SIPA1L3: variants seen among roughly 807,000 people sequenced by gnomAD.
The protein encoded by SIPA1L3 is signal-induced proliferation-associated 1-like protein 3.
A neutral mutation model predicts 150.1 loss-of-function variants in SIPA1L3; 59 were observed. That is an observed-to-expected ratio of 0.39 (90% CI 0.32 to 0.49). The LOEUF (loss-of-function observed/expected upper bound fraction) is 0.49. Among genes scored for constraint, SIPA1L3 ranks in the 20% least tolerant of loss-of-function variants. The pLI, the probability that SIPA1L3 is intolerant of heterozygous loss-of-function variation, is 0.86. For missense variants in SIPA1L3, 2,211 were observed against 2,489.5 expected (o/e 0.89, Z 2.38); for synonymous variants, 1,070 against 1,077.6 (o/e 0.99, Z 0.14).
intron 10 of SIPA1L3, among the ~76,000 whole-genome samples, chr19:38,134,108 C>T (rs537821980): frequency 3.9e-5 from 6 of 151,932 alleles, no homozygotes; most frequent in African/African-American, 9.7e-5. Flanking sequence ...CTCATCCTCC[C>T]GAGTAGCTGG....
chr19:38,142,798 C>T, intron 12 of SIPA1L3, 88 bp downstream of exon 12: 1 of 1,468,350 alleles, frequency 6.8e-7, no homozygotes, highest in Non-Finnish European at 9.3e-7. Flanking sequence ...CCCCACAATT[C>T]TAGTTGCCAT....
chr19:38,104,552 G>T (rs762286920), intron 6 of SIPA1L3, among the ~76,000 whole-genome samples: 9 of 152,126 alleles, frequency 5.9e-5, no homozygotes, highest in East Asian at 5.8e-4. Context: ...GCTGGCAGGT[G>T]TGAGTGTTAG....
At chr19:38,146,124 A>C (rs370585103) in intron 12 of SIPA1L3, among the ~76,000 whole-genome samples, 1 of 152,194 alleles carries the variant, frequency 6.6e-6, no homozygotes, top group Admixed American at 6.5e-5. Flanking sequence ...TGGACATCCC[A>C]AAGTGCTAGG....
At chr19:38,162,675 G>A (rs2145981110) in intron 14 of SIPA1L3, among the ~76,000 whole-genome samples, 1 of 152,350 alleles carries the variant, frequency 6.6e-6, no homozygotes, top group Admixed American at 6.5e-5. Flanking sequence ...CAGTGGAAGT[G>A]GATTTCCCTC....
intron 2 of SIPA1L3, among the ~76,000 whole-genome samples, chr19:38,045,426 G>A (rs549939057): frequency 3.3e-5 from 5 of 151,640 alleles, no homozygotes; most frequent in Admixed American, 6.6e-5. Context: ...TAATTTAACT[G>A]TGGCAATGAA....
chr19:37,939,068 TC>T (rs1409303049), intron 1 of SIPA1L3, among the ~76,000 whole-genome samples: 1 of 152,044 alleles, frequency 6.6e-6, no homozygotes, highest in Non-Finnish European at 1.5e-5. Flanking sequence ...CCTGCTATTC[TC>T]CCCCCAATTC....
rs749102456 is a variant in SIPA1L3, at chr19:38,081,667, C to T, written c.102C>T (p.Tyr34=). 22 of 1,612,232 alleles carry T rather than the reference C, an allele frequency of 1.4e-5. No homozygotes were observed. The highest frequency in any genetic ancestry group is 3.3e-5 in the Admixed American group (2 of 59,988). Reference sequence around the variant, plus strand: ...TCCCTGGGCCACACACAGGGGACTACGCTCCCTTGGGATTCTGGGCCCAGA... The same window carrying T: ...TCCCTGGGCCACACACAGGGGACTATGCTCCCTTGGGATTCTGGGCCCAGA... ...DVLPGPHTGD[Y]APLGFWAQNG... The change falls in exon 3 of 22, where the codon TAC becomes TAT. Residue 34 remains tyrosine, a synonymous_variant. Transcript: ENST00000222345.
At chr19:38,138,971 A>G (rs533913907) in intron 10 of SIPA1L3, among the ~76,000 whole-genome samples, 143 of 149,200 alleles carry the variant, frequency 9.6e-4, no homozygotes, top group African/African-American at 2.9e-3. Context: ...CGAGGAGGAC[A>G]GATTACTTGA....
chr19:38,124,939 C>T (rs1319125845), intron 9 of SIPA1L3, among the ~76,000 whole-genome samples: 3 of 143,886 alleles, frequency 2.1e-5, no homozygotes, highest in South Asian at 2.2e-4. Context: ...TGCAGTGAGC[C>T]GAGATGGCAG....
At chr19:37,917,038 A>G (rs778480991) in intron 1 of SIPA1L3, among the ~76,000 whole-genome samples, 1 of 152,238 alleles carries the variant, frequency 6.6e-6, no homozygotes, top group African/African-American at 2.4e-5. Flanking sequence ...TTGAAAAGTA[A>G]AAGGAAGCAG....
chr19:38,189,385 C>G (rs1346660110), intron 16 of SIPA1L3, among the ~76,000 whole-genome samples: 1 of 152,110 alleles, frequency 6.6e-6, no homozygotes, highest in Non-Finnish European at 1.5e-5. Flanking sequence ...CCCACTTACG[C>G]CTCCCAAAGT....
rs903509980 is a variant in SIPA1L3, at chr19:38,126,038, G to A, written c.2869-4460G>A. On this transcript the variant is annotated intron_variant, in intron 9 of 21. Transcript: ENST00000222345. ...CATACGAAAAAATTAGCCGGGCGTG[G>A]TGGCGGGCTCCTGTAGTCCCAGCTA... is the stretch of plus-strand genomic sequence containing the variant. Among the ~76,000 whole-genome samples the A allele has an allele frequency of 3.3e-5, 5 of 152,116 alleles. No individual in the cohort carries two copies. The East Asian group carries it at 7.7e-4, about 23-fold the overall frequency.
intron 1 of SIPA1L3, among the ~76,000 whole-genome samples, chr19:38,012,564 T>G (rs1246613813): frequency 6.6e-6 from 1 of 152,110 alleles, no homozygotes; most frequent in African/African-American, 2.4e-5. Context: ...CTCAATCCAC[T>G]ACCCGAAGCA....
chr19:37,957,677 C>T (rs750443331), intron 1 of SIPA1L3, among the ~76,000 whole-genome samples: 2 of 151,854 alleles, frequency 1.3e-5, no homozygotes, highest in African/African-American at 2.4e-5. Flanking sequence ...ATAGCTAGGA[C>T]TATAGGCACA....
At chr19:38,084,465 C>T (rs1260771886) in intron 3 of SIPA1L3, among the ~76,000 whole-genome samples, 3 of 150,216 alleles carry the variant, frequency 2.0e-5, no homozygotes, top group African/African-American at 4.9e-5. Flanking sequence ...ACTTAGTGGC[C>T]ACACCTGTGT....
intron 1 of SIPA1L3, among the ~76,000 whole-genome samples, chr19:37,970,154 C>T (rs188815803): frequency 3.1e-4 from 47 of 152,186 alleles, no homozygotes; most frequent in Non-Finnish European, 6.3e-4. Context: ...AAAGTCTGGC[C>T]GGAAGTTTTT....
chr19:38,176,059 T>C (rs923419251), intron 15 of SIPA1L3, among the ~76,000 whole-genome samples: 1 of 152,070 alleles, frequency 6.6e-6, no homozygotes, highest in East Asian at 1.9e-4. Flanking sequence ...ATACAAAAAT[T>C]AGCCAGGCAT....
intron 2 of SIPA1L3, among the ~76,000 whole-genome samples, chr19:38,038,611 T>C (rs1416903426): frequency 7.0e-6 from 1 of 142,332 alleles, no homozygotes; most frequent in African/African-American, 2.6e-5. Flanking sequence ...AAAAAAGTCA[T>C]GTGCATGTTA....
intron 4 of SIPA1L3, among the ~76,000 whole-genome samples, chr19:38,095,690 T>C (rs577330415): frequency 9.9e-5 from 15 of 151,340 alleles, no homozygotes; most frequent in Non-Finnish European, 1.9e-4. Flanking sequence ...AGGTGGGAGG[T>C]GATGGTGGGG....
Sources: gnomAD v4.1 joint callset for allele counts (sites outside exome capture counted in the v4.1 genomes callset) on GRCh38, gnomAD v4.1.1 for gene constraint, MANE v1.5 for transcripts, NCBI Gene and HGNC (gene_info 2026-07-23, HGNC 2026-07-21) for gene names.